Variants in TMEM131L observed in about 807,000 individuals in gnomAD.
TMEM131L encodes transmembrane protein 131-like.
Under a neutral mutation model 192.2 loss-of-function variants are expected in TMEM131L, and 54 were observed. The observed-to-expected ratio is 0.28, with a 90% CI of 0.23 to 0.35. The LOEUF is 0.35. Among genes scored for constraint, TMEM131L ranks in the 10% least tolerant of loss-of-function variants. The probability of loss-of-function intolerance (pLI) is 1.00; values close to 1 mark genes in which losing one functional copy is unlikely to be tolerated. For synonymous variants in TMEM131L, 701 were observed against 704.9 expected, an observed-to-expected ratio of 0.99 and a Z score of 0.09; for missense variants, 1,888 against 1,972.9, an observed-to-expected ratio of 0.96 and a Z score of 0.82.
chr4:153,475,367 T>C (rs1228407349), intron 3 of TMEM131L, among the ~76,000 whole-genome samples: 1 of 152,212 alleles, frequency 6.6e-6, no homozygotes, highest in East Asian at 1.9e-4. Flanking sequence ...ATACGGATAG[T>C]GCTGTAATAA....
At chr4:153,613,086 A>G (rs1428454951) in intron 26 of TMEM131L, among the ~76,000 whole-genome samples, 1 of 152,214 alleles carries the variant, frequency 6.6e-6, no homozygotes. Flanking sequence ...AACAAAGAAT[A>G]TTGCATCCAG....
At chr4:153,572,622 C>T (rs933154873) in intron 7 of TMEM131L, among the ~76,000 whole-genome samples, 4 of 152,194 alleles carry the variant, frequency 2.6e-5, no homozygotes, top group Non-Finnish European at 5.9e-5. Flanking sequence ...TGAGCCACCG[C>T]ACCCGGCCCA....
intron 8 of TMEM131L, among the ~76,000 whole-genome samples, 196 bp from the exon 9 acceptor site, chr4:153,581,211 A>C (rs1578793568): frequency 6.6e-6 from 1 of 152,298 alleles, no homozygotes; most frequent in Middle Eastern, 3.4e-3. Flanking sequence ...CCGAGATCGC[A>C]CCACTGCACT....
chr4:153,627,535 G>A lies in TMEM131L; in HGVS notation c.4125-70G>A, dbSNP rs1021434824. On this transcript the variant is annotated intron_variant, in intron 30 of 34. Transcript: ENST00000409959. The stretch of plus-strand genomic sequence containing the variant: ...ATTGAGTGAAAACTCAATCAGACGT[G>A]GTTATACAATATCAGTATTTCCTCG... 2.6e-6 allele frequency: 3 copies of A among 1,170,894 alleles called. No individual in the cohort carries two copies. The African/African-American group carries it at 4.5e-5, about 18-fold the overall frequency. 72.5% of individuals were successfully genotyped at this position (1,170,894 alleles called of 1,614,324 possible).
At chr4:153,621,660 TTG>T (rs758788010) in intron 27 of TMEM131L, 21 bp from the exon 28 acceptor site, 97 of 1,599,280 alleles carry the variant, frequency 6.1e-5, no homozygotes, top group East Asian at 1.4e-4. Flanking sequence ...ATGTGTTTTT[TTG>T]TGTGTGTGTG....
At chr4:153,524,782 G>C (rs1173239763) in intron 3 of TMEM131L, among the ~76,000 whole-genome samples, 1 of 152,206 alleles carries the variant, frequency 6.6e-6, no homozygotes, top group African/African-American at 2.4e-5. Flanking sequence ...CATGTTATGG[G>C]TTGAAGCCTG....
chr4:153,556,708 G>A (rs1728483061), intron 5 of TMEM131L, among the ~76,000 whole-genome samples: 1 of 152,172 alleles, frequency 6.6e-6, no homozygotes, highest in Non-Finnish European at 1.5e-5. Flanking sequence ...GGAAGAGGAG[G>A]GGAAGGAAAG....
At chr4:153,474,873 A>G (rs1456567199) in intron 3 of TMEM131L, among the ~76,000 whole-genome samples, 1 of 152,122 alleles carries the variant, frequency 6.6e-6, no homozygotes, top group Non-Finnish European at 1.5e-5. Flanking sequence ...TTCCATTTTT[A>G]AGAGAATACC....
At chr4:153,622,847 A>C in intron 28 of TMEM131L, 51 bp from the exon 29 acceptor site, 1 of 1,574,704 alleles carries the variant, frequency 6.4e-7, no homozygotes, top group Non-Finnish European at 8.7e-7. Context: ...TTAGAAATGC[A>C]TGAGGTTGAC....
At chr4:153,473,737 A>C (rs1731322273) in intron 2 of TMEM131L, 108 bp from the exon 3 acceptor site, 1 of 811,826 alleles carries the variant, frequency 1.2e-6, no homozygotes, top group East Asian at 3.2e-5. Context: ...GGTTGCAGTG[A>C]GCCGAGACCC....
At chr4:153,520,864 G>T (rs1043557653) in intron 3 of TMEM131L, among the ~76,000 whole-genome samples, 1 of 152,164 alleles carries the variant, frequency 6.6e-6, no homozygotes, top group Non-Finnish European at 1.5e-5. Context: ...GAAGGACTGG[G>T]GACCCTTTCC....
In TMEM131L at chr4:153,591,187, G is replaced by A. The variant is rs762624260; in HGVS notation, c.1805G>A (p.Ser602Asn). 15 of 1,601,482 alleles carry A rather than the reference G, an allele frequency of 9.4e-6. No homozygotes were observed. Among genetic ancestry groups the A allele is most frequent in the South Asian group, 2.2e-5 (2 of 89,298 alleles). ...MLNFSATALR[S>N]RMIKYFVVQN... ...AACTTCAGCGCAACTGCCCTTAGGAGCAGGATGGTGAGGACAGTGTGTCTT... is the reference window on the plus strand; with the variant it reads ...AACTTCAGCGCAACTGCCCTTAGGAACAGGATGGTGAGGACAGTGTGTCTT... Residue 602 changes from serine (S) to asparagine (N), a missense_variant, in exon 17 of 35, where the codon AGC becomes AAC. Physicochemically the swap from Ser to Asn is conservative, Grantham distance 46 (BLOSUM62 1). Transcript: ENST00000409959.
intron 7 of TMEM131L, among the ~76,000 whole-genome samples, chr4:153,570,963 C>T (rs564835591): frequency 1.3e-5 from 2 of 152,160 alleles, no homozygotes; most frequent in African/African-American, 2.4e-5. Flanking sequence ...TTGTTCTCCA[C>T]TGTTCAATTT....
In TMEM131L at chr4:153,601,339, C is replaced by T. The variant is rs556895542; in HGVS notation, c.2267-813C>T. Among the ~76,000 whole-genome samples the T allele has an allele frequency of 3.9e-5, 6 of 152,178 alleles. No individual in the cohort carries two copies. In the South Asian group the frequency reaches 6.2e-4, roughly 16 times the overall value. ...TTGAGCCCAGGAGTTCAAGGCCAGCCTGGGCAACATAGTGAGCCCCATCTC... is the reference window on the plus strand; with the variant it reads ...TTGAGCCCAGGAGTTCAAGGCCAGCTTGGGCAACATAGTGAGCCCCATCTC... On this transcript the variant is annotated intron_variant, in intron 21 of 34. Coordinates refer to ENST00000409959, the MANE Select transcript of TMEM131L (RefSeq NM_001131007.2).
chr4:153,611,878 T>C (rs1732641037), intron 25 of TMEM131L, among the ~76,000 whole-genome samples: 1 of 152,206 alleles, frequency 6.6e-6, no homozygotes. Flanking sequence ...TATTTCACAT[T>C]GTTGTGCAAT....
intron 2 of TMEM131L, among the ~76,000 whole-genome samples, chr4:153,468,557 G>A (rs375494828): frequency 1.3e-5 from 2 of 152,242 alleles, no homozygotes; most frequent in African/African-American, 2.4e-5. Context: ...CATTTAACGC[G>A]ATGTATTTAT....
chr4:153,486,819 G>T (rs1732370429), intron 3 of TMEM131L, among the ~76,000 whole-genome samples: 1 of 152,264 alleles, frequency 6.6e-6, no homozygotes, highest in Non-Finnish European at 1.5e-5. Context: ...GCTCTGTCCT[G>T]CAGGGTTTAG....
intron 4 of TMEM131L, among the ~76,000 whole-genome samples, chr4:153,552,446 G>A (rs1448077071): frequency 6.6e-6 from 1 of 152,106 alleles, no homozygotes; most frequent in Non-Finnish European, 1.5e-5. Context: ...TATCCACATG[G>A]GATTGGATCC....
chr4:153,580,875 T>C lies in TMEM131L; in HGVS notation c.710T>C (p.Leu237Ser). The part of the protein sequence containing the change: ...SLLQVQLECS[L>S]HNKVCQQLKG... Reference sequence around the variant, plus strand: ...TTGCAGGTGCAACTGGAATGCAGTTTACATAATAAAGTGTGTCAGCAATTA... The same window carrying C: ...TTGCAGGTGCAACTGGAATGCAGTTCACATAATAAAGTGTGTCAGCAATTA... Residue 237 changes from leucine (L) to serine (S), a missense_variant, in exon 8 of 35, where the codon TTA becomes TCA. Leu to Ser is a moderately radical substitution (Grantham distance 145). Coordinates refer to ENST00000409959, the MANE Select transcript of TMEM131L (RefSeq NM_001131007.2). 1.2e-6 allele frequency: 2 copies of C among 1,611,676 alleles called. No individual in the cohort carries two copies. Among genetic ancestry groups the C allele is most frequent in the South Asian group, 2.2e-5 (2 of 91,032 alleles).
Sources: allele counts gnomAD v4.1 joint callset (sites outside exome capture counted in the v4.1 genomes callset), GRCh38; gene constraint gnomAD v4.1.1; transcripts MANE v1.5; gene names NCBI Gene and HGNC (gene_info 2026-07-23, HGNC 2026-07-21).